UXS1: variants seen among roughly 807,000 people sequenced by gnomAD.
UXS1 encodes UDP-glucuronate decarboxylase 1.
A neutral mutation model predicts 62.6 loss-of-function variants in UXS1; 33 were observed. The ratio of observed to expected loss-of-function variants is 0.53; its 90% CI spans 0.40 to 0.70. The LOEUF is 0.70. UXS1 is among the 30% of genes least tolerant of loss of function. The pLI is 0.00. For synonymous variants in UXS1, 213 were observed against 206.8 expected (o/e 1.03, Z -0.26); for missense variants, 434 against 556.3 (o/e 0.78, Z 2.21).
At chr2:106,160,151 C>G (rs1457475633) in intron 4 of UXS1, 1 of 152,262 alleles carries the variant, frequency 6.6e-6, no homozygotes, top group Non-Finnish European at 1.5e-5. Context: ...CCAAGTAACA[C>G]TTCTTGTCAT....
At chr2:106,128,475 G>C (rs145758440) in intron 7 of UXS1, among the ~76,000 whole-genome samples, 8 of 152,278 alleles carry the variant, frequency 5.3e-5, no homozygotes, top group African/African-American at 1.9e-4. Flanking sequence ...AGACTGCGTA[G>C]AACACATGGC....
At chr2:106,144,703 T>C (rs533410122) in intron 6 of UXS1, among the ~76,000 whole-genome samples, 2 of 152,328 alleles carry the variant, frequency 1.3e-5, no homozygotes, top group East Asian at 3.9e-4. Flanking sequence ...ACCTGCTTCC[T>C]GGTTCATATA....
intron 9 of UXS1, among the ~76,000 whole-genome samples, chr2:106,120,501 T>C (rs1449727892): frequency 6.6e-6 from 1 of 152,226 alleles, no homozygotes; most frequent in African/African-American, 2.4e-5. Context: ...GAGGTGGGCC[T>C]TCCTCGGTGC....
chr2:106,145,111 C>G, intron 6 of UXS1, 79 bp downstream of exon 6: 1 of 1,494,934 alleles, frequency 6.7e-7, no homozygotes. Context: ...AGTCAAACAG[C>G]TTACCCTCAG....
At chr2:106,101,016 A>G in intron 12 of UXS1, 42 bp downstream of exon 12, 1 of 1,612,652 alleles carries the variant, frequency 6.2e-7, no homozygotes, top group Non-Finnish European at 8.5e-7. Context: ...AATGAACGAA[A>G]GTCTGAGCTG....
intron 9 of UXS1, among the ~76,000 whole-genome samples, chr2:106,117,389 T>TG (rs1230605208): frequency 6.6e-6 from 1 of 152,368 alleles, no homozygotes; most frequent in African/African-American, 2.4e-5. Flanking sequence ...GAAATATGCC[T>TG]GGGAACTTAA....
chr2:106,137,542 A>G (rs1680756647), intron 6 of UXS1, among the ~76,000 whole-genome samples: 1 of 152,090 alleles, frequency 6.6e-6, no homozygotes, highest in African/African-American at 2.4e-5. Flanking sequence ...TAATCCTAGC[A>G]CTTTGGGAGG....
intron 10 of UXS1, among the ~76,000 whole-genome samples, chr2:106,105,864 G>A (rs916332488): frequency 3.3e-5 from 5 of 152,190 alleles, no homozygotes; most frequent in Non-Finnish European, 5.9e-5. Flanking sequence ...TGGAAAGCAG[G>A]CAGCTGGGAA....
At chr2:106,118,807 T>G (rs1027332231) in intron 9 of UXS1, among the ~76,000 whole-genome samples, 6 of 152,202 alleles carry the variant, frequency 3.9e-5, no homozygotes, top group African/African-American at 1.2e-4. Context: ...ACATCTATCT[T>G]GTTTATATTT....
At chr2:106,143,373 C>CACT (rs1416993830) in intron 6 of UXS1, among the ~76,000 whole-genome samples, 1 of 124,050 alleles carries the variant, frequency 8.1e-6, no homozygotes, top group Non-Finnish European at 1.6e-5. Flanking sequence ...CGTGCCACTG[C>CACT]ACTCCAGCCT....
chr2:106,162,744 G>A (rs1028626175), intron 4 of UXS1, among the ~76,000 whole-genome samples: 1 of 152,210 alleles, frequency 6.6e-6, no homozygotes, highest in African/African-American at 2.4e-5. Flanking sequence ...GATAAGTGCT[G>A]AAATTAACAG....
At chr2:106,128,528 A>G (rs1680159819) in intron 7 of UXS1, among the ~76,000 whole-genome samples, 1 of 152,148 alleles carries the variant, frequency 6.6e-6, no homozygotes, top group African/African-American at 2.4e-5. Flanking sequence ...TACAGGCTTG[A>G]CTAGAACACA....
At chr2:106,161,688 T>TA (rs1043668196) in intron 4 of UXS1, among the ~76,000 whole-genome samples, 5 of 152,210 alleles carry the variant, frequency 3.3e-5, no homozygotes, top group African/African-American at 4.8e-5. Flanking sequence ...GCAGTATTCT[T>TA]ACTTAGAATT....
chr2:106,146,486 C>T (rs1276897102), intron 5 of UXS1, among the ~76,000 whole-genome samples: 1 of 152,108 alleles, frequency 6.6e-6, no homozygotes, highest in African/African-American at 2.4e-5. Context: ...GAGAGTAAAG[C>T]CACCTGGATT....
chr2:106,182,107 A>C (rs1226552608), intron 1 of UXS1, among the ~76,000 whole-genome samples: 1 of 152,248 alleles, frequency 6.6e-6, no homozygotes, highest in Non-Finnish European at 1.5e-5. Flanking sequence ...TTCACAAAAG[A>C]AAGAAATTAC....
chr2:106,101,040 A>T lies in UXS1; in HGVS notation c.984+18T>A, dbSNP rs377510271. The T allele has an allele frequency of 9.3e-6, 15 of 1,613,762 alleles. No individual in the cohort carries two copies. In the African/African-American group the frequency reaches 1.6e-4, roughly 17 times the overall value. On this transcript the variant is annotated intron_variant, in intron 12 of 14. Coordinates refer to ENST00000283148, the MANE Select transcript of UXS1 (RefSeq NM_001253875.2). ...AAGTCTGAGCTGTCCTGCAGAGTGGAGGGAGAGGAGCACTCACCAGGTTGA... is the reference window on the plus strand; with the variant it reads ...AAGTCTGAGCTGTCCTGCAGAGTGGTGGGAGAGGAGCACTCACCAGGTTGA...
At chr2:106,193,878 G>A (rs1389428557) in intron 1 of UXS1, among the ~76,000 whole-genome samples, 4 of 152,002 alleles carry the variant, frequency 2.6e-5, no homozygotes, top group Non-Finnish European at 4.4e-5. Flanking sequence ...CCGGGCAGGA[G>A]GCAGAGACCT....
intron 11 of UXS1, chr2:106,102,080 C>T (rs768005577): frequency 1.3e-5 from 2 of 152,186 alleles, no homozygotes; most frequent in Non-Finnish European, 2.9e-5. Context: ...TGGGGTATTT[C>T]GTAAATCAGA....
Position 106,156,180 on chromosome 2 carries a change from TAATTC to T in UXS1, c.291+1873_291+1877del, listed in dbSNP as rs1682411049. 1.3e-5 allele frequency among the ~76,000 whole-genome samples: 2 copies of T among 152,138 alleles called. 1 individual carries two copies. The highest frequency in any genetic ancestry group is 4.1e-4 in the South Asian group (2 of 4,826). ...TTGAATTAAGAATATATAAAGAACT[TAATTC>T]AATGATGAAAAGAAAAATAACCCAA... On this transcript the variant is annotated intron_variant, in intron 5 of 14. Transcript: ENST00000283148.
Sources: gnomAD v4.1 joint callset for allele counts (sites outside exome capture counted in the v4.1 genomes callset) on GRCh38, gnomAD v4.1.1 for gene constraint, MANE v1.5 for transcripts, NCBI Gene and HGNC (gene_info 2026-07-23, HGNC 2026-07-21) for gene names.